The following MPDZ variants were observed in gnomAD, a reference collection of about 807,000 sequenced individuals.
The protein encoded by MPDZ is multiple PDZ domain crumbs cell polarity complex component.
Under a neutral mutation model 239.1 loss-of-function variants are expected in MPDZ, and 234 were observed. The observed-to-expected ratio is 0.98, with a 90% CI of 0.88 to 1.09. The LOEUF (loss-of-function observed/expected upper bound fraction) is 1.09, where lower values mean the gene tolerates loss of function less well. MPDZ is among the 50% of genes least tolerant of loss of function. MPDZ has a pLI of 0.00. For missense variants in MPDZ, 3,175 were observed against 2,510.0 expected, an observed-to-expected ratio of 1.26 and a Z score of -5.66; for synonymous variants, 1,048 against 881.3, an observed-to-expected ratio of 1.19 and a Z score of -3.35.
At position 13,177,982 on chromosome 9, in the gene MPDZ, G is replaced by T. The variant is rs372697956; in HGVS notation, c.2650-1565C>A. On this transcript the variant is annotated intron_variant, in intron 19 of 46. Transcript: ENST00000319217. ...AAATGATATGCACACTTAAAATGCT[G>T]GTACATATTTTTAGTAGAGACGGGG... 2.0e-5 allele frequency among the ~76,000 whole-genome samples: 3 copies of T among 152,178 alleles called. No homozygotes were observed. In the East Asian group the frequency reaches 5.8e-4, roughly 29 times the overall value.
At position 13,250,347 on chromosome 9, in the gene MPDZ, T is replaced by A. The variant is rs373279830; in HGVS notation, c.-32A>T. ...CAAAGTTCAGTGTTCTTCTCTGAAA[T>A]GATTAACAGCAATTAAAATGGAACT... On this transcript the variant is annotated 5_prime_UTR_variant, in exon 2 of 47. Coordinates refer to ENST00000319217, the MANE Select transcript of MPDZ (RefSeq NM_001378778.1). The A allele has an allele frequency of 1.9e-6, 3 of 1,570,206 alleles. No individual in the cohort carries two copies. The Admixed American group carries it at 5.5e-5, about 29-fold the overall frequency.
chr9:13,118,563 T>C (rs1048566815), intron 39 of MPDZ, among the ~76,000 whole-genome samples: 16 of 152,168 alleles, frequency 1.1e-4, no homozygotes, highest in Non-Finnish European at 2.9e-5. Flanking sequence ...TGGGTACTGA[T>C]GATGACAGTT....
intron 46 of MPDZ, 46 bp from the exon 47 acceptor site, chr9:13,107,157 C>T: frequency 1.3e-6 from 2 of 1,518,724 alleles, no homozygotes; most frequent in Non-Finnish European, 1.8e-6. Flanking sequence ...AAAATGCTGC[C>T]TTGCAACTCA....
At chr9:13,193,597 C>G (rs937985305) in intron 13 of MPDZ, among the ~76,000 whole-genome samples, 1 of 151,980 alleles carries the variant, frequency 6.6e-6, no homozygotes, top group African/African-American at 2.4e-5. Context: ...CTCTTGTTTC[C>G]CAAGTAGAAA....
At chr9:13,213,482 C>A (rs1275835492) in intron 10 of MPDZ, among the ~76,000 whole-genome samples, 1 of 152,010 alleles carries the variant, frequency 6.6e-6, no homozygotes, top group Non-Finnish European at 1.5e-5. Flanking sequence ...ACAAAGACTG[C>A]AGTTGTGAAA....
chr9:13,245,805 T>C (rs1966460572), intron 3 of MPDZ, among the ~76,000 whole-genome samples: 2 of 152,158 alleles, frequency 1.3e-5, no homozygotes, highest in Non-Finnish European at 2.9e-5. Context: ...TCTACTTCCA[T>C]ATGGAAATGG....
At chr9:13,234,340 CTTCT>C (rs1963367060) in intron 3 of MPDZ, among the ~76,000 whole-genome samples, 1 of 151,882 alleles carries the variant, frequency 6.6e-6, no homozygotes, top group African/African-American at 2.4e-5. Context: ...TCATCTATTC[CTTCT>C]GAGTTGTTAA....
At chr9:13,114,684 G>A (rs993660734) in intron 40 of MPDZ, among the ~76,000 whole-genome samples, 1 of 152,072 alleles carries the variant, frequency 6.6e-6, no homozygotes, top group Non-Finnish European at 1.5e-5. Flanking sequence ...GGTGGATCAC[G>A]AGGTCAGGCG....
Position 13,188,800 on chromosome 9 carries a change from A to C in MPDZ, c.2348T>G (p.Val783Gly), listed in dbSNP as rs1210155684. The part of the protein sequence containing the change: ...GAPSGTVRIG[V>G]AKPLPLSPEE... ...AATTCTTACGGGTAAAGGCTTAGCA[A>C]CTCCTATTCTCACAGTCCCTGACGG... The change falls in exon 17 of 47, where the codon GTT (valine) becomes GGT (glycine). Residue 783 changes from valine (V) to glycine (G), a missense_variant. Physicochemically the swap from Val to Gly is moderately radical, Grantham distance 109. Coordinates refer to ENST00000319217, the MANE Select transcript of MPDZ (RefSeq NM_001378778.1). The C allele has an allele frequency of 6.2e-7, 1 of 1,612,816 alleles. No homozygotes were observed. The highest frequency in any genetic ancestry group is 1.3e-5 in the African/African-American group (1 of 74,798).
At chr9:13,224,265 G>GT in intron 4 of MPDZ, 109 bp downstream of exon 4, 1 of 1,064,298 alleles carries the variant, frequency 9.4e-7, no homozygotes, top group East Asian at 2.4e-5. Flanking sequence ...TTGTTCCAAT[G>GT]TTTTCAGATG....
intron 10 of MPDZ, among the ~76,000 whole-genome samples, chr9:13,211,394 T>C (rs1199792030): frequency 6.6e-6 from 1 of 152,030 alleles, no homozygotes; most frequent in Non-Finnish European, 1.5e-5. Flanking sequence ...ATATAAGAAG[T>C]CAACACAAGA....
chr9:13,120,379 C>T (rs138427503), intron 38 of MPDZ: 341 of 152,272 alleles, frequency 2.2e-3, no homozygotes, highest in Non-Finnish European at 3.6e-3. Context: ...TTTGATCCTC[C>T]GCTTTCCCAT....
intron 38 of MPDZ, 140 bp from the exon 39 acceptor site, chr9:13,119,789 G>A (rs928489769): frequency 1.2e-6 from 1 of 828,268 alleles, no homozygotes; most frequent in Admixed American, 2.2e-5. Flanking sequence ...GCAACACTGG[G>A]GCAACATTAG....
Position 13,186,293 on chromosome 9 carries a change from G to A in MPDZ, c.2458C>T (p.Leu820Phe), listed in dbSNP as rs73647114. 1 of 1,591,740 alleles carries A rather than the reference G, an allele frequency of 6.3e-7. No homozygotes were observed. Among genetic ancestry groups the A allele is most frequent in the Admixed American group, 1.7e-5 (1 of 57,424 alleles). ...ACCAGAGCCAAGTCAGCCCTGAAGAGGGGTTTGTCAGCCAGCCCTGCTTCC... is the reference window on the plus strand; with the variant it reads ...ACCAGAGCCAAGTCAGCCCTGAAGAAGGGTTTGTCAGCCAGCCCTGCTTCC... ...CEEAGLADKP[L>F]FRADLALVGT... Residue 820 changes from leucine (L) to phenylalanine (F), a missense_variant, in exon 18 of 47, where the codon CTC becomes TTC. Coordinates refer to ENST00000319217, the MANE Select transcript of MPDZ (RefSeq NM_001378778.1).
At chr9:13,179,798 A>C (rs2134338278) in intron 19 of MPDZ, among the ~76,000 whole-genome samples, 1 of 152,314 alleles carries the variant, frequency 6.6e-6, no homozygotes, top group East Asian at 1.9e-4. Flanking sequence ...GCAATGCATA[A>C]ATTAAGGTTA....
chr9:13,190,845 T>G (rs772388953), intron 15 of MPDZ, among the ~76,000 whole-genome samples: 1 of 152,134 alleles, frequency 6.6e-6, no homozygotes, highest in Non-Finnish European at 1.5e-5. Context: ...GCTTGAATAT[T>G]TAAAATTTGA....
chr9:13,176,496 T>A lies in MPDZ; in HGVS notation c.2650-79A>T, dbSNP rs1952510802. The A allele has an allele frequency of 4.5e-6, 5 of 1,113,728 alleles. No individual in the cohort carries two copies. The South Asian group carries it at 7.7e-5, about 17-fold the overall frequency. The allele number at this position is 1,113,728 out of a possible 1,614,324, so 69.0% of individuals were successfully genotyped here. The stretch of plus-strand genomic sequence containing the variant: ...ATCAATATATAACATCACTTCTTAA[T>A]GAACAACTATTTAGTGAAATGTAAA... On this transcript the variant is annotated intron_variant, in intron 19 of 46. Transcript: ENST00000319217.
intron 26 of MPDZ, among the ~76,000 whole-genome samples, chr9:13,147,171 G>A (rs1430663097): frequency 6.6e-6 from 1 of 151,972 alleles, no homozygotes; most frequent in African/African-American, 2.4e-5. Flanking sequence ...TCAAGAAAAT[G>A]TCATTTCTTT....
chr9:13,121,168 G>A (rs1052057607), intron 38 of MPDZ, among the ~76,000 whole-genome samples: 2 of 152,074 alleles, frequency 1.3e-5, no homozygotes, highest in Non-Finnish European at 2.9e-5. Flanking sequence ...CCTGTTGATG[G>A]CACGCTCTTA....
Sources: gnomAD v4.1 joint callset for allele counts (sites outside exome capture counted in the v4.1 genomes callset) on GRCh38, gnomAD v4.1.1 for gene constraint, MANE v1.5 for transcripts, NCBI Gene and HGNC (gene_info 2026-07-23, HGNC 2026-07-21) for gene names.